Variants in TCF7 observed in about 807,000 individuals in gnomAD.
TCF7 encodes T-cell-factor-7.
TCF7 carries 19 observed loss-of-function variants against 46.8 expected under a neutral mutation model. The observed-to-expected ratio is 0.41, with a 90% CI of 0.28 to 0.60. The LOEUF (loss-of-function observed/expected upper bound fraction) is 0.60, where lower values mean the gene tolerates loss of function less well. Ranked by LOEUF, TCF7 falls within the 20% of genes least tolerant of loss-of-function variation. The pLI is 0.35. For synonymous variants in TCF7, 245 were observed against 213.4 expected, an observed-to-expected ratio of 1.15 and a Z score of -1.29; for missense variants, 547 against 504.6, an observed-to-expected ratio of 1.08 and a Z score of -0.81.
chr5:134,121,599 A>T (rs1046841923), intron 3 of TCF7, among the ~76,000 whole-genome samples: 2 of 151,886 alleles, frequency 1.3e-5, no homozygotes, highest in Non-Finnish European at 2.9e-5. Context: ...AAAAAAAAAA[A>T]AAATGCAAAA....
At position 134,142,955 on chromosome 5, in the gene TCF7, C is replaced by T; in HGVS notation, c.919-38C>T. Reference sequence around the variant, plus strand: ...TTCAGCCTGGTGCAGCCTGCTGACTCCCTGATGCACCCCACCTGCCCCTCT... The same window carrying T: ...TTCAGCCTGGTGCAGCCTGCTGACTTCCTGATGCACCCCACCTGCCCCTCT... On this transcript the variant is annotated intron_variant, in intron 7 of 9. Coordinates refer to ENST00000342854, the MANE Select transcript of TCF7 (RefSeq NM_003202.5). The T allele has an allele frequency of 3.7e-6, 6 of 1,612,882 alleles. No individual in the cohort carries two copies. The East Asian group carries it at 6.7e-5, about 18-fold the overall frequency.
rs1760461243 is a variant in TCF7 at position 134,144,916 on chromosome 5, C to T, written c.1075+1276C>T. On this transcript the variant is annotated intron_variant, in intron 9 of 9. Transcript: ENST00000342854. ...TTCTCCCTTTGCTTTAAGCTGCTTC[C>T]CTGACTCTGCACATGTTCCACTGGG... 6.5e-6 allele frequency: 10 copies of T among 1,531,040 alleles called. No homozygotes were observed. In the South Asian group the frequency reaches 1.1e-4, roughly 17 times the overall value. 94.8% of individuals were successfully genotyped at this position (1,531,040 alleles called of 1,614,324 possible). A position where few individuals can be genotyped will look rare whatever the true frequency, so the allele number is the denominator to read the frequency against.
chr5:134,115,399 C>T lies in TCF7; in HGVS notation c.316+12C>T. ...GCCCCTGGAGGACGGTGAGTTTCTG[C>T]CCGGCCCGGCTTCCCTTCGTCGCGC... On this transcript the variant is annotated intron_variant, in intron 2 of 9. Coordinates refer to ENST00000342854, the MANE Select transcript of TCF7 (RefSeq NM_003202.5). The T allele has an allele frequency of 1.3e-6, 2 of 1,593,008 alleles. No homozygotes were observed. Among genetic ancestry groups the T allele is most frequent in the Non-Finnish European group, 1.7e-6 (2 of 1,170,444 alleles).
intron 9 of TCF7, chr5:134,144,232 C>G (rs1190683617): frequency 6.1e-6 from 1 of 163,376 alleles, no homozygotes; most frequent in African/African-American, 2.4e-5. Context: ...TGTCCCCACA[C>G]AGGGAAGCTG....
At chr5:134,117,990 A>G (rs944877305) in intron 3 of TCF7, among the ~76,000 whole-genome samples, 6 of 152,178 alleles carry the variant, frequency 3.9e-5, no homozygotes, top group Non-Finnish European at 5.9e-5. Context: ...TCAGTGAGGA[A>G]GCTGTATGTG....
At chr5:134,122,586 G>T (rs1335693379) in intron 3 of TCF7, among the ~76,000 whole-genome samples, 2 of 152,166 alleles carry the variant, frequency 1.3e-5, no homozygotes, top group East Asian at 3.9e-4. Context: ...CAGGGCTCTG[G>T]GGGTGCTGGT....
intron 3 of TCF7, among the ~76,000 whole-genome samples, chr5:134,120,451 T>G (rs972668172): frequency 3.9e-5 from 6 of 152,332 alleles, no homozygotes; most frequent in South Asian, 4.1e-4. Flanking sequence ...GCCGAGTGCC[T>G]GGGTGGCCCC....
intron 4 of TCF7, chr5:134,138,684 C>T: frequency 4.5e-6 from 2 of 443,682 alleles, no homozygotes; most frequent in Non-Finnish European, 8.1e-6. Flanking sequence ...TGCCCCAATG[C>T]CTCCATGCCT....
intron 3 of TCF7, among the ~76,000 whole-genome samples, chr5:134,135,861 G>A (rs927490022): frequency 6.6e-6 from 1 of 152,202 alleles, no homozygotes; most frequent in Non-Finnish European, 1.5e-5. Flanking sequence ...GAAGCTGGAG[G>A]AATATCAGGC....
At chr5:134,126,511 C>T (rs1000512459) in intron 3 of TCF7, among the ~76,000 whole-genome samples, 5 of 152,260 alleles carry the variant, frequency 3.3e-5, no homozygotes, top group Admixed American at 3.3e-4. Context: ...GCTCAGTAAG[C>T]AGTTGTTGAA....
Position 134,146,577 on chromosome 5 carries a change from C to A in TCF7, c.*274C>A, listed in dbSNP as rs1291506507. ...GCCTACCCCCTGAAAGTGACAGAGA[C>A]CCAGATCTCATGGAAACTGGCCAGG... On this transcript the variant is annotated 3_prime_UTR_variant, in exon 10 of 10. Transcript: ENST00000342854. 2.9e-6 allele frequency: 2 copies of A among 700,106 alleles called. No individual in the cohort carries two copies. The highest frequency in any genetic ancestry group is 3.6e-5 in the African/African-American group (2 of 55,656). The allele number at this position is 700,106 out of a possible 1,614,324, so 43.4% of individuals were successfully genotyped here. A position where few individuals can be genotyped will look rare whatever the true frequency, so the allele number is the denominator to read the frequency against.
Position 134,143,608 on chromosome 5 carries a change from G to A in TCF7, c.1043G>A (p.Arg348Gln), listed in dbSNP as rs766182177. The change falls in exon 9 of 10, where the codon CGG (arginine) becomes CAG (glutamine). Residue 348 changes from arginine to glutamine, a missense_variant. Coordinates refer to ENST00000342854, the MANE Select transcript of TCF7 (RefSeq NM_003202.5). ...ARDNYGKKKR[R>Q]SREKHQESTT... ...TCCCTGCAGGGGAAGAAGAAGAGGC[G>A]GTCGAGGGAAAAGCACCAAGAATCC... 1.1e-5 allele frequency: 17 copies of A among 1,613,958 alleles called. No individual in the cohort carries two copies. Among genetic ancestry groups the A allele is most frequent in the Admixed American group, 3.3e-5 (2 of 59,996 alleles).
chr5:134,115,694 G>T, intron 2 of TCF7: 1 of 1,430,302 alleles, frequency 7.0e-7, no homozygotes. Context: ...TTGGAGGGCG[G>T]GGGGTGGGAG....
chr5:134,143,824 T>G, intron 9 of TCF7, 184 bp downstream of exon 9: 2 of 645,508 alleles, frequency 3.1e-6, no homozygotes, highest in Non-Finnish European at 5.2e-6. Context: ...TATATTATAC[T>G]AAGTCCCAGG....
chr5:134,141,138 C>T, intron 5 of TCF7: 1 of 209,532 alleles, frequency 4.8e-6, no homozygotes. Flanking sequence ...ATATGTGGCT[C>T]AGCCCGTGTG....
intron 3 of TCF7, among the ~76,000 whole-genome samples, chr5:134,125,441 C>G (rs1757217038): frequency 6.6e-6 from 1 of 152,222 alleles, no homozygotes; most frequent in African/African-American, 2.4e-5. Flanking sequence ...GGGCCCCACC[C>G]ACTCACCCTC....
intron 3 of TCF7, among the ~76,000 whole-genome samples, chr5:134,130,871 T>C (rs555529349): frequency 6.6e-6 from 1 of 152,260 alleles, no homozygotes; most frequent in South Asian, 2.1e-4. Flanking sequence ...CCAGCTCTAA[T>C]ACATTCAATA....
intron 6 of TCF7, 48 bp from the exon 7 acceptor site, chr5:134,142,673 G>A (rs747317733): frequency 6.2e-7 from 1 of 1,603,506 alleles, no homozygotes; most frequent in South Asian, 1.1e-5. Flanking sequence ...GCTGCAATTA[G>A]GTGGGCACTC....
intron 5 of TCF7, 119 bp from the exon 6 acceptor site, chr5:134,142,066 T>C (rs978579730): frequency 1.4e-6 from 2 of 1,408,478 alleles, no homozygotes; most frequent in Non-Finnish European, 2.0e-6. Context: ...GCCAGTAGGA[T>C]AGAGTATCTA....
Sources: allele counts gnomAD v4.1 joint callset (sites outside exome capture counted in the v4.1 genomes callset), GRCh38; gene constraint gnomAD v4.1.1; transcripts MANE v1.5; gene names NCBI Gene and HGNC (gene_info 2026-07-23, HGNC 2026-07-21).